Variants in ATRX observed in about 807,000 individuals in gnomAD.
ATRX encodes chromatin remodeler ATRX.
A neutral mutation model predicts 172.6 loss-of-function variants in ATRX; 12 were observed. That is an observed-to-expected ratio of 0.07 (90% CI 0.04 to 0.11). The LOEUF (loss-of-function observed/expected upper bound fraction) is 0.11. Ranked by LOEUF, ATRX falls within the 10% of genes least tolerant of loss-of-function variation. The pLI is 1.00. For missense variants in ATRX, 1,368 were observed against 1,767.4 expected, an observed-to-expected ratio of 0.77 and a Z score of 4.05; for synonymous variants, 674 against 594.7, an observed-to-expected ratio of 1.13 and a Z score of -1.94.
chrX:77,607,520 G>T (rs895296019), intron 22 of ATRX, among the ~76,000 whole-genome samples: 12 of 109,842 alleles, frequency 1.1e-4, no homozygotes, highest in African/African-American at 4.0e-4. Flanking sequence ...TCAAGAGCAG[G>T]CTGGCCAACA....
intron 1 of ATRX, among the ~76,000 whole-genome samples, chrX:77,743,109 T>A (rs782344659): frequency 9.0e-6 from 1 of 110,725 alleles, no homozygotes; most frequent in Non-Finnish European, 1.9e-5. Context: ...ACCCCCAGGA[T>A]TTGAGCACGA....
At chrX:77,586,419 T>C (rs1362758507) in intron 27 of ATRX, among the ~76,000 whole-genome samples, 1 of 111,883 alleles carries the variant, frequency 8.9e-6, no homozygotes, top group Admixed American at 9.4e-5. Context: ...GGAGAGAGCA[T>C]TGCAGGCAGA....
chrX:77,778,462 C>T (rs2076436606), intron 1 of ATRX, among the ~76,000 whole-genome samples: 2 of 108,109 alleles, frequency 1.8e-5, no homozygotes, highest in Admixed American at 9.9e-5. Context: ...GTGGCTCACG[C>T]CTGTAATCCC....
At chrX:77,663,673 T>C (rs1380829073) in intron 11 of ATRX, 115 bp from the exon 12 acceptor site, 5 of 581,970 alleles carry the variant, frequency 8.6e-6, no homozygotes, top group African/African-American at 2.3e-5. Flanking sequence ...GTTAGACACA[T>C]ACTTTGGTAT....
intron 1 of ATRX, among the ~76,000 whole-genome samples, chrX:77,738,678 C>T (rs2074716669): frequency 9.4e-6 from 1 of 106,252 alleles, no homozygotes; most frequent in South Asian, 4.3e-4. Flanking sequence ...ATTGTCCTGC[C>T]TCAGCCTCCT....
chrX:77,688,179 TCCA>T (rs1333086748), intron 7 of ATRX, among the ~76,000 whole-genome samples: 1 of 110,893 alleles, frequency 9.0e-6, no homozygotes, highest in Non-Finnish European at 1.9e-5. Flanking sequence ...CCTCAGGAGA[TCCA>T]CCTGCCTCAG....
At chrX:77,544,441 AGTT>A (rs1557052332) in intron 30 of ATRX, among the ~76,000 whole-genome samples, 2 of 110,375 alleles carry the variant, frequency 1.8e-5, no homozygotes, top group Non-Finnish European at 3.8e-5. Flanking sequence ...TTATACTTTA[AGTT>A]TTAGCGTACA....
chrX:77,660,290 C>T (rs782452253), intron 12 of ATRX, among the ~76,000 whole-genome samples: 47 of 111,746 alleles, frequency 4.2e-4, no homozygotes, highest in African/African-American at 1.3e-3. Flanking sequence ...ACAAGCTGGG[C>T]GCAGTGGCTC....
At chrX:77,510,660 C>T (rs952726490) in intron 34 of ATRX, among the ~76,000 whole-genome samples, 1 of 111,925 alleles carries the variant, frequency 8.9e-6, no homozygotes, top group African/African-American at 3.2e-5. Flanking sequence ...CAGGCAATAC[C>T]TGCTGTGGGC....
intron 1 of ATRX, among the ~76,000 whole-genome samples, chrX:77,750,983 TA>T (rs1557187339): frequency 8.9e-6 from 1 of 112,147 alleles, no homozygotes; most frequent in African/African-American, 3.2e-5. Context: ...AGTGCTGCAA[TA>T]AACATACAGG....
intron 21 of ATRX, among the ~76,000 whole-genome samples, chrX:77,618,316 C>T (rs1467017951): frequency 2.7e-5 from 3 of 111,792 alleles, no homozygotes; most frequent in Admixed American, 9.5e-5. Context: ...TGTATGTAAA[C>T]GACACCACTA....
intron 10 of ATRX, among the ~76,000 whole-genome samples, chrX:77,672,635 T>C (rs1173850409): frequency 4.5e-5 from 5 of 110,725 alleles, no homozygotes; most frequent in African/African-American, 9.8e-5. Flanking sequence ...TATAATTAAA[T>C]ATAACAATGG....
At chrX:77,769,297 A>G (rs1288553424) in intron 1 of ATRX, among the ~76,000 whole-genome samples, 2 of 97,370 alleles carry the variant, frequency 2.1e-5, no homozygotes, top group Non-Finnish European at 4.0e-5. Context: ...TTTTTTTTTG[A>G]GACTGAGTCT....
intron 10 of ATRX, among the ~76,000 whole-genome samples, chrX:77,670,527 G>C (rs1557129186): frequency 1.8e-5 from 2 of 111,581 alleles, no homozygotes; most frequent in Non-Finnish European, 3.8e-5. Flanking sequence ...GGCCAAGGCA[G>C]GCAAATAACC....
chrX:77,599,616 T>A (rs371569941), intron 24 of ATRX, 36 bp from the exon 25 acceptor site: 2 of 1,200,745 alleles, frequency 1.7e-6, no homozygotes, highest in African/African-American at 1.8e-5. Flanking sequence ...AAAAAACACA[T>A]TCAGATTGTT....
chrX:77,541,132 G>A (rs2063972913), intron 30 of ATRX, among the ~76,000 whole-genome samples: 1 of 111,503 alleles, frequency 9.0e-6, no homozygotes, highest in African/African-American at 3.3e-5. Flanking sequence ...ATGATAAAGG[G>A]GATATCACCA....
In ATRX at chrX:77,579,039, G is replaced by A. The variant is rs147126771; in HGVS notation, c.6218-4681C>T. On this transcript the variant is annotated intron_variant, in intron 27 of 34. Transcript: ENST00000373344. Reference sequence around the variant, plus strand: ...GCGGGCCTGTCCTGGTGGTGGCCACGAAGAGAGGCTCCTCTGCCTGAGGAA... The same window carrying A: ...GCGGGCCTGTCCTGGTGGTGGCCACAAAGAGAGGCTCCTCTGCCTGAGGAA... 4.3e-3 allele frequency among the ~76,000 whole-genome samples: 479 copies of A among 112,463 alleles called. 4 individuals are homozygous for A. The highest frequency in any genetic ancestry group is 0.014 in the African/African-American group (441 of 30,969).
intron 2 of ATRX, among the ~76,000 whole-genome samples, chrX:77,704,162 G>C (rs2072686709): frequency 9.0e-6 from 1 of 110,666 alleles, no homozygotes; most frequent in Non-Finnish European, 1.9e-5. Flanking sequence ...AGTATGAGTA[G>C]TACCTCTCTG....
intron 1 of ATRX, among the ~76,000 whole-genome samples, chrX:77,773,510 T>C (rs1557200407): frequency 9.0e-6 from 1 of 111,332 alleles, no homozygotes; most frequent in African/African-American, 3.3e-5. Flanking sequence ...TCCCAGCACT[T>C]TGAAAGGCCA....
Sources: gnomAD v4.1 joint callset for allele counts (sites outside exome capture counted in the v4.1 genomes callset) on GRCh38, gnomAD v4.1.1 for gene constraint, MANE v1.5 for transcripts, NCBI Gene and HGNC (gene_info 2026-07-23, HGNC 2026-07-21) for gene names.